The following HHIP variants were observed in gnomAD, a reference collection of about 807,000 sequenced individuals.
HHIP encodes hedgehog-interacting protein.
A neutral mutation model predicts 74.0 loss-of-function variants in HHIP; 12 were observed. That is an observed-to-expected ratio of 0.16 (90% confidence interval 0.10 to 0.26). The LOEUF is 0.26. HHIP is among the 10% of genes least tolerant of loss of function. The pLI is 1.00. For synonymous variants in HHIP, 309 were observed against 311.6 expected, an observed-to-expected ratio of 0.99 and a Z score of 0.09; for missense variants, 788 against 845.0, an observed-to-expected ratio of 0.93 and a Z score of 0.84.
At chr4:144,703,691 G>A (rs1282685161) in intron 4 of HHIP, among the ~76,000 whole-genome samples, 1 of 152,132 alleles carries the variant, frequency 6.6e-6, no homozygotes, top group Admixed American at 6.6e-5. Flanking sequence ...ATAGAAGGAA[G>A]TACAGGAGGC....
intron 11 of HHIP, among the ~76,000 whole-genome samples, chr4:144,720,952 G>A (rs892455027): frequency 1.3e-5 from 2 of 152,094 alleles, no homozygotes; most frequent in Admixed American, 1.3e-4. Flanking sequence ...GTAGTGTTCA[G>A]GAGGTCTGTG....
intron 4 of HHIP, among the ~76,000 whole-genome samples, chr4:144,673,072 G>C (rs1053898530): frequency 9.2e-5 from 14 of 152,314 alleles, no homozygotes; most frequent in African/African-American, 3.4e-4. Flanking sequence ...GTGGAAGCAG[G>C]GATGTAGGGT....
intron 4 of HHIP, among the ~76,000 whole-genome samples, chr4:144,706,166 A>G (rs1189822119): frequency 6.6e-6 from 1 of 152,194 alleles, no homozygotes; most frequent in Non-Finnish European, 1.5e-5. Flanking sequence ...GTTGATTATG[A>G]ACCTTTTTAT....
chr4:144,691,493 G>A (rs1430491494), intron 4 of HHIP, among the ~76,000 whole-genome samples: 3 of 152,268 alleles, frequency 2.0e-5, no homozygotes, highest in African/African-American at 7.2e-5. Context: ...GCTGCTTCAG[G>A]AGTTTTGCTT....
At position 144,708,268 on chromosome 4, in the gene HHIP, C is replaced by T. The variant is rs1730202057; in HGVS notation, c.1258C>T (p.Gln420Ter). The change falls in exon 7 of 13, where the codon CAG (glutamine) becomes TAG (stop). Residue 420 changes from glutamine to a stop codon, truncating the protein, a stop_gained. Transcript: ENST00000296575. LOFTEE classifies it high-confidence loss of function. ...RSNPHFNSTN[Q>*]PPEVFAHGLH... ...CAACCCACACTTCAACAGCACCAAC[C>T]AGCCCCCCGAAGTGTTTGCTCATGG... The T allele has an allele frequency of 6.2e-7, 1 of 1,614,050 alleles. No individual in the cohort carries two copies. Among genetic ancestry groups the T allele is most frequent in the African/African-American group, 1.3e-5 (1 of 74,926 alleles).
intron 2 of HHIP, among the ~76,000 whole-genome samples, chr4:144,656,183 G>A (rs544800497): frequency 6.6e-6 from 1 of 152,180 alleles, no homozygotes; most frequent in East Asian, 1.9e-4. Flanking sequence ...AAAAGTGTTA[G>A]ATACTTAAAT....
In HHIP at chr4:144,710,637, T is replaced by C. The variant is rs186090474; in HGVS notation, c.1302-1313T>C. ...TTTTGTTGGCCTAGAACAGTGATTCTCAATGGGATAATTTTACCCCCAGGG... is the reference window on the plus strand; with the variant it reads ...TTTTGTTGGCCTAGAACAGTGATTCCCAATGGGATAATTTTACCCCCAGGG... On this transcript the variant is annotated intron_variant, in intron 7 of 12. Coordinates refer to ENST00000296575, the MANE Select transcript of HHIP (RefSeq NM_022475.3). 4.7e-3 allele frequency among the ~76,000 whole-genome samples: 722 copies of C among 152,336 alleles called. 19 individuals carry two copies. Among genetic ancestry groups the C allele is most frequent in the Admixed American group, 0.042 (647 of 15,290 alleles).
At chr4:144,688,184 T>C (rs146385359) in intron 4 of HHIP, among the ~76,000 whole-genome samples, 124 of 152,176 alleles carry the variant, frequency 8.1e-4, no homozygotes, top group African/African-American at 2.9e-3. Context: ...AAACTAACAC[T>C]AAGTCAAACA....
intron 4 of HHIP, among the ~76,000 whole-genome samples, chr4:144,695,341 T>A (rs540890934): frequency 6.6e-6 from 1 of 151,964 alleles, no homozygotes; most frequent in African/African-American, 2.4e-5. Flanking sequence ...CCTTGAATAA[T>A]CTTATATTCG....
intron 11 of HHIP, among the ~76,000 whole-genome samples, chr4:144,729,139 A>T (rs1476273465): frequency 1.3e-5 from 2 of 152,216 alleles, no homozygotes; most frequent in East Asian, 3.8e-4. Flanking sequence ...ACTAGCACTT[A>T]TTCCTATTCG....
At chr4:144,664,409 C>A (rs773163073) in intron 4 of HHIP, among the ~76,000 whole-genome samples, 5 of 152,208 alleles carry the variant, frequency 3.3e-5, no homozygotes, top group Non-Finnish European at 7.3e-5. Context: ...TTATGAGTAT[C>A]AAAAATTTGT....
rs1052603999 is a variant in HHIP, at chr4:144,668,775, G to T, written c.831+8937G>T. 1.2e-4 allele frequency among the ~76,000 whole-genome samples: 18 copies of T among 151,970 alleles called. 1 individual carries two copies. Among genetic ancestry groups the T allele is most frequent in the African/African-American group, 4.1e-4 (17 of 41,464 alleles). On this transcript the variant is annotated intron_variant, in intron 4 of 12. Transcript: ENST00000296575. ...CAAAGAAAAACAAAACAAAACAAAA[G>T]AATATATAAATGAAAGAGCCCCAAC...
chr4:144,720,671 G>C (rs1730605812), intron 11 of HHIP, among the ~76,000 whole-genome samples: 1 of 152,048 alleles, frequency 6.6e-6, no homozygotes, highest in African/African-American at 2.4e-5. Context: ...CATGTCATGT[G>C]GGGGGCCCGG....
At chr4:144,711,906 A>G in intron 7 of HHIP, 44 bp from the exon 8 acceptor site, 2 of 1,582,818 alleles carry the variant, frequency 1.3e-6, no homozygotes, top group Non-Finnish European at 1.7e-6. Context: ...GAGCTTGGAA[A>G]AGATCACGGT....
At chr4:144,674,717 A>C (rs1729129318) in intron 4 of HHIP, among the ~76,000 whole-genome samples, 1 of 152,230 alleles carries the variant, frequency 6.6e-6, no homozygotes, top group Non-Finnish European at 1.5e-5. Flanking sequence ...CCACACACAA[A>C]GAATTTAATT....
At chr4:144,688,043 T>C (rs1299816861) in intron 4 of HHIP, among the ~76,000 whole-genome samples, 1 of 152,160 alleles carries the variant, frequency 6.6e-6, no homozygotes, top group African/African-American at 2.4e-5. Flanking sequence ...TCAAATTTTA[T>C]GTCTAATAAT....
intron 4 of HHIP, chr4:144,660,154 T>C (rs928296439): frequency 2.5e-6 from 1 of 394,836 alleles, no homozygotes; most frequent in Non-Finnish European, 4.5e-6. Context: ...AACACAGGAC[T>C]GTACATCAGC....
intron 4 of HHIP, among the ~76,000 whole-genome samples, chr4:144,690,823 C>G (rs1051318927): frequency 7.2e-5 from 11 of 151,972 alleles, no homozygotes; most frequent in Non-Finnish European, 1.6e-4. Flanking sequence ...ATTAGCATGG[C>G]CAACAGAAAC....
intron 2 of HHIP, among the ~76,000 whole-genome samples, chr4:144,653,342 T>C (rs868487987): frequency 1.2e-4 from 19 of 152,150 alleles, no homozygotes; most frequent in Admixed American, 5.2e-4. Context: ...TCCTCTCCAA[T>C]TGGCAGATGA....
Sources: gnomAD v4.1 joint callset for allele counts (sites outside exome capture counted in the v4.1 genomes callset) on GRCh38, gnomAD v4.1.1 for gene constraint, MANE v1.5 for transcripts, NCBI Gene and HGNC (gene_info 2026-07-23, HGNC 2026-07-21) for gene names.